Variants in CTNNA2 observed in about 807,000 individuals in gnomAD.
CTNNA2 encodes the protein catenin alpha-2.
A neutral mutation model predicts 101.0 loss-of-function variants in CTNNA2; 42 were observed. The ratio of observed to expected loss-of-function variants is 0.42; its 90% CI spans 0.32 to 0.54. The LOEUF (loss-of-function observed/expected upper bound fraction) is 0.54, where lower values mean the gene tolerates loss of function less well. CTNNA2 is among the 20% of genes least tolerant of loss of function. The probability of loss-of-function intolerance (pLI) is 0.14; values close to 1 mark genes in which losing one functional copy is unlikely to be tolerated. For missense variants in CTNNA2, 871 were observed against 1,223.1 expected, an observed-to-expected ratio of 0.71 and a Z score of 4.29; for synonymous variants, 450 against 456.4, an observed-to-expected ratio of 0.99 and a Z score of 0.18.
intron 2 of CTNNA2, among the ~76,000 whole-genome samples, chr2:79,218,071 C>G (rs1284579752): frequency 6.6e-6 from 1 of 152,194 alleles, no homozygotes; most frequent in Admixed American, 6.5e-5. Flanking sequence ...CAAAAGCCTC[C>G]CATGCTTCCT....
chr2:80,070,860 A>G (rs951734586), intron 7 of CTNNA2, among the ~76,000 whole-genome samples: 2 of 152,126 alleles, frequency 1.3e-5, no homozygotes, highest in Non-Finnish European at 2.9e-5. Context: ...TTCCTTGGCC[A>G]TATAACTCCA....
intron 2 of CTNNA2, among the ~76,000 whole-genome samples, chr2:79,671,578 A>G (rs1418695167): frequency 1.3e-5 from 2 of 152,236 alleles, no homozygotes; most frequent in South Asian, 4.1e-4. Context: ...TTGAAAAGGA[A>G]TGGATTTCTC....
intron 7 of CTNNA2, among the ~76,000 whole-genome samples, chr2:80,257,588 G>A (rs1210917904): frequency 6.6e-6 from 1 of 152,198 alleles, no homozygotes; most frequent in Non-Finnish European, 1.5e-5. Flanking sequence ...AGAGAGGCTG[G>A]AAGGTAGATC....
chr2:80,583,970 T>C (rs1695756457), intron 14 of CTNNA2, among the ~76,000 whole-genome samples: 1 of 152,178 alleles, frequency 6.6e-6, no homozygotes, highest in Non-Finnish European at 1.5e-5. Context: ...ATGTGGTCTG[T>C]ACGATTAAGT....
chr2:79,529,995 C>A (rs1306646836), intron 1 of CTNNA2, among the ~76,000 whole-genome samples: 1 of 151,978 alleles, frequency 6.6e-6, no homozygotes, highest in African/African-American at 2.4e-5. Flanking sequence ...TGGAGCTCTG[C>A]TGGTGATGAG....
chr2:79,924,025 G>C (rs531677980), intron 7 of CTNNA2, among the ~76,000 whole-genome samples: 11 of 152,194 alleles, frequency 7.2e-5, no homozygotes, highest in African/African-American at 2.6e-4. Flanking sequence ...CATGTTTATT[G>C]CAGCATTATT....
chr2:79,203,680 G>A (rs1002227239), intron 2 of CTNNA2, among the ~76,000 whole-genome samples: 3 of 152,084 alleles, frequency 2.0e-5, no homozygotes, highest in African/African-American at 7.2e-5. Context: ...AATTCTTCAG[G>A]GACAAGAACG....
chr2:79,718,103 A>G (rs1053909355), intron 2 of CTNNA2, among the ~76,000 whole-genome samples: 7 of 152,190 alleles, frequency 4.6e-5, no homozygotes, highest in African/African-American at 1.7e-4. Context: ...TAAAAGGGAA[A>G]AGAAAAAAGT....
intron 9 of CTNNA2, among the ~76,000 whole-genome samples, chr2:80,491,659 T>G (rs1204246389): frequency 6.6e-6 from 1 of 152,208 alleles, no homozygotes; most frequent in Non-Finnish European, 1.5e-5. Flanking sequence ...ATGCTGTGGT[T>G]AAGAAGCCAT....
At chr2:80,170,427 AG>A (rs2148961326) in intron 7 of CTNNA2, among the ~76,000 whole-genome samples, 1 of 152,316 alleles carries the variant, frequency 6.6e-6, no homozygotes, top group South Asian at 2.1e-4. Context: ...TGAGACCAGT[AG>A]AACTGATATG....
intron 2 of CTNNA2, among the ~76,000 whole-genome samples, chr2:79,255,622 G>A (rs1674835231): frequency 6.6e-6 from 1 of 152,160 alleles, no homozygotes; most frequent in Non-Finnish European, 1.5e-5. Flanking sequence ...CTGGAACATA[G>A]CAAAAGAAGA....
chr2:79,550,512 T>C (rs887899015), intron 1 of CTNNA2, among the ~76,000 whole-genome samples: 3 of 152,190 alleles, frequency 2.0e-5, no homozygotes, highest in African/African-American at 7.2e-5. Flanking sequence ...CATAGCCGAA[T>C]TGCAATGGCA....
chr2:79,334,962 T>A (rs757644146), intron 3 of CTNNA2, among the ~76,000 whole-genome samples: 8 of 152,150 alleles, frequency 5.3e-5, no homozygotes, highest in Admixed American at 1.3e-4. Flanking sequence ...TCTCCCATAT[T>A]TTCTATGTTC....
At chr2:79,322,248 G>A (rs10520237) in intron 3 of CTNNA2, among the ~76,000 whole-genome samples, 21,995 of 152,232 alleles carry the variant, frequency 0.14, 1,670 homozygotes, top group East Asian at 0.17. Flanking sequence ...TTTCCTAGCA[G>A]TAAATGAATA....
chr2:80,303,684 C>A lies in CTNNA2; in HGVS notation c.1057-89527C>A, dbSNP rs1676603729. On this transcript the variant is annotated intron_variant, in intron 7 of 18. Transcript: ENST00000402739. The surrounding 1 kb of genome is among the most constrained non-coding windows in gnomAD (Gnocchi z 7.7). ...GCCTCGCAGTACAGCAGCCGCCCCT[C>A]GCACCGGCACAGCTGCGGGCACCCG... The A allele has an allele frequency of 6.2e-7, 1 of 1,610,716 alleles. No individual in the cohort carries two copies. Among genetic ancestry groups the A allele is most frequent in the African/African-American group, 1.3e-5 (1 of 74,876 alleles).
At chr2:80,336,381 G>A (rs112506169) in intron 7 of CTNNA2, among the ~76,000 whole-genome samples, 2,239 of 152,210 alleles carry the variant, frequency 0.015, 25 homozygotes, top group Middle Eastern at 0.024. Flanking sequence ...GGGGACGTAA[G>A]CATTCAGATT....
At chr2:80,010,858 A>G (rs410532) in intron 7 of CTNNA2, among the ~76,000 whole-genome samples, 83,174 of 151,936 alleles carry the variant, frequency 0.55, 24,992 homozygotes, top group East Asian at 0.76. Context: ...CTTTTTCCAG[A>G]ATCTTTGCTC....
rs140604532 is a variant in CTNNA2 at position 80,584,984 on chromosome 2, G to C, written c.2007+3165G>C. ...AGCTAGAGACTGGTAAGAATCAAAG[G>C]ACCCACTCCTTAACTACTTATTATA... On this transcript the variant is annotated intron_variant, in intron 14 of 18. Coordinates refer to ENST00000402739, the MANE Select transcript of CTNNA2 (RefSeq NM_001282597.3). Among the ~76,000 whole-genome samples, 371 of 151,312 alleles carry C rather than the reference G, an allele frequency of 2.5e-3. 3 individuals are homozygous for C. Among genetic ancestry groups the C allele is most frequent in the African/African-American group, 8.8e-3 (357 of 40,766 alleles).
intron 7 of CTNNA2, among the ~76,000 whole-genome samples, chr2:80,077,807 C>G (rs1168542522): frequency 1.3e-5 from 2 of 152,082 alleles, no homozygotes; most frequent in Non-Finnish European, 2.9e-5. Flanking sequence ...GAGAGGAGCA[C>G]TCGTGAGAGA....
Sources: allele counts gnomAD v4.1 joint callset (sites outside exome capture counted in the v4.1 genomes callset), GRCh38; gene constraint gnomAD v4.1.1; non-coding constraint Gnocchi (gnomAD v3.1); transcripts MANE v1.5; gene names NCBI Gene and HGNC (gene_info 2026-07-23, HGNC 2026-07-21).